Variants in DCC observed in about 807,000 individuals in gnomAD.
The protein encoded by DCC is netrin receptor DCC.
In DCC, 58 loss-of-function variants were observed where a neutral mutation model predicts 172.5. The ratio of observed to expected loss-of-function variants is 0.34; its 90% CI spans 0.27 to 0.42. The LOEUF is 0.42. Ranked by LOEUF, DCC falls within the 10% of genes least tolerant of loss-of-function variation. The pLI is 1.00. For synonymous variants in DCC, 709 were observed against 644.5 expected (o/e 1.10, Z -1.52); for missense variants, 1,740 against 1,791.0 (o/e 0.97, Z 0.51).
At chr18:53,003,774 T>C (rs1268461111) in intron 5 of DCC, among the ~76,000 whole-genome samples, 1 of 152,054 alleles carries the variant, frequency 6.6e-6, no homozygotes, top group Non-Finnish European at 1.5e-5. Flanking sequence ...TTTCATAATA[T>C]CACAGACATA....
Position 53,486,808 on chromosome 18 carries a change from G to T in DCC, c.3748G>T (p.Ala1250Ser). The change falls in exon 26 of 29, where the codon GCC (alanine) becomes TCC (serine). Residue 1250 changes from alanine to serine, a missense_variant. Around this residue, in one of 2 missense-constraint regions of DCC, gnomAD observed 1,732 missense variants for 1,767.4 expected, o/e 0.98. Coordinates refer to ENST00000442544, the MANE Select transcript of DCC (RefSeq NM_005215.4). ...AQSNNPAVVS[A>S]IPVPTLESAQ... is the part of the protein sequence containing the mutation. Reference sequence around the variant, plus strand: ...TTTTTCTTTTGCAGCTGTCGTGAGCGCCATCCCGGTGCCAACGCTAGAAAG... The same window carrying T: ...TTTTTCTTTTGCAGCTGTCGTGAGCTCCATCCCGGTGCCAACGCTAGAAAG... The T allele has an allele frequency of 6.2e-7, 1 of 1,614,056 alleles. No individual in the cohort carries two copies. The highest frequency in any genetic ancestry group is 8.5e-7 in the Non-Finnish European group (1 of 1,180,020).
At chr18:52,852,940 A>G (rs2038999213) in intron 2 of DCC, among the ~76,000 whole-genome samples, 1 of 152,182 alleles carries the variant, frequency 6.6e-6, no homozygotes, top group Admixed American at 6.5e-5. Flanking sequence ...GATTATAGAA[A>G]TGAGTAGAGG....
At chr18:52,808,077 G>C (rs2038121097) in intron 2 of DCC, among the ~76,000 whole-genome samples, 1 of 152,136 alleles carries the variant, frequency 6.6e-6, no homozygotes, top group African/African-American at 2.4e-5. Context: ...CCTTCATTTT[G>C]CAGTTATTCC....
At chr18:52,624,799 A>C (rs2034543420) in intron 1 of DCC, among the ~76,000 whole-genome samples, 1 of 152,160 alleles carries the variant, frequency 6.6e-6, no homozygotes, top group African/African-American at 2.4e-5. Flanking sequence ...CATCTCATTA[A>C]GGAGGCAAGA....
intron 12 of DCC, among the ~76,000 whole-genome samples, chr18:53,240,051 CAA>C (rs2056270056): frequency 9.2e-5 from 10 of 108,908 alleles, no homozygotes; most frequent in Admixed American, 3.3e-4. Flanking sequence ...AAAAAAAAAA[CAA>C]CAAAACACTT....
chr18:52,700,966 C>T lies in DCC; in HGVS notation c.92-51088C>T, dbSNP rs1267531379. Reference sequence around the variant, plus strand: ...AGTTAATAATTAAACCTGTACAAAGCTCTTTATAACAAACATATTGTCATG... The same window carrying T: ...AGTTAATAATTAAACCTGTACAAAGTTCTTTATAACAAACATATTGTCATG... On this transcript the variant is annotated intron_variant, in intron 1 of 28. Transcript: ENST00000442544. Among the ~76,000 whole-genome samples, 6 of 152,140 alleles carry T rather than the reference C, an allele frequency of 3.9e-5. No homozygotes were observed. In the East Asian group the frequency reaches 1.2e-3, roughly 29 times the overall value.
chr18:52,599,250 G>T (rs1030636041), intron 1 of DCC, among the ~76,000 whole-genome samples: 1 of 152,140 alleles, frequency 6.6e-6, no homozygotes, highest in African/African-American at 2.4e-5. Flanking sequence ...TTTTAAGAAT[G>T]TTGTGAGTGG....
chr18:53,228,012 A>G (rs1189268499), intron 12 of DCC, among the ~76,000 whole-genome samples: 1 of 152,152 alleles, frequency 6.6e-6, no homozygotes, highest in Non-Finnish European at 1.5e-5. Flanking sequence ...CTGACTGTAG[A>G]TTTTTATCTT....
intron 2 of DCC, among the ~76,000 whole-genome samples, chr18:52,771,519 T>TA (rs1291981477): frequency 6.6e-6 from 1 of 152,136 alleles, no homozygotes; most frequent in Non-Finnish European, 1.5e-5. Flanking sequence ...TTCCTCTACA[T>TA]AGAAACACTA....
At chr18:52,758,864 G>A (rs1434155846) in intron 2 of DCC, 1 of 152,174 alleles carries the variant, frequency 6.6e-6, no homozygotes, top group African/African-American at 2.4e-5. Context: ...CAGGGCCCTT[G>A]AATACGCTCA....
intron 12 of DCC, among the ~76,000 whole-genome samples, chr18:53,258,069 A>AT (rs1185522288): frequency 6.6e-6 from 1 of 151,354 alleles, no homozygotes; most frequent in African/African-American, 2.4e-5. Context: ...CCCTTTTATC[A>AT]TTTTTTCTTG....
chr18:52,945,770 CA>C (rs34200868), intron 5 of DCC, among the ~76,000 whole-genome samples: 59,701 of 151,920 alleles, frequency 0.39, 12,333 homozygotes, highest in Non-Finnish European at 0.47. Flanking sequence ...GCTTGTCAAC[CA>C]TGGGTCACAA....
chr18:52,377,550 A>T (rs1039297777), intron 1 of DCC, among the ~76,000 whole-genome samples: 1 of 152,178 alleles, frequency 6.6e-6, no homozygotes, highest in African/African-American at 2.4e-5. Context: ...TTTTGTCTTA[A>T]ACTATGAGAA....
chr18:52,859,133 C>CAA (rs35988635), intron 2 of DCC, among the ~76,000 whole-genome samples: 6 of 147,076 alleles, frequency 4.1e-5, no homozygotes, highest in African/African-American at 1.2e-4. Context: ...CCTGTCTCTG[C>CAA]AAAAAAAAAA....
At chr18:53,026,812 C>G (rs934634394) in intron 5 of DCC, among the ~76,000 whole-genome samples, 1 of 152,018 alleles carries the variant, frequency 6.6e-6, no homozygotes, top group African/African-American at 2.4e-5. Flanking sequence ...ATCCTCCTAC[C>G]TTGACCTCTC....
At chr18:53,518,944 T>A (rs1021304664) in intron 27 of DCC, among the ~76,000 whole-genome samples, 2 of 152,170 alleles carry the variant, frequency 1.3e-5, no homozygotes, top group Non-Finnish European at 2.9e-5. Context: ...AGCTTTTCAC[T>A]AATAATTTTA....
intron 1 of DCC, among the ~76,000 whole-genome samples, chr18:52,654,677 A>G (rs1598991110): frequency 2.6e-5 from 4 of 152,266 alleles, no homozygotes; most frequent in African/African-American, 9.6e-5. Flanking sequence ...TCACAACTTT[A>G]AAGACCTTAT....
intron 7 of DCC, among the ~76,000 whole-genome samples, chr18:53,118,774 C>T (rs999695525): frequency 3.3e-5 from 5 of 151,706 alleles, no homozygotes; most frequent in African/African-American, 1.2e-4. Context: ...ACATGACTGA[C>T]ATTAACAGTT....
At chr18:53,317,592 A>C (rs963385522) in intron 13 of DCC, among the ~76,000 whole-genome samples, 17 of 152,192 alleles carry the variant, frequency 1.1e-4, no homozygotes, top group African/African-American at 4.1e-4. Context: ...GAATTCGGCT[A>C]TAAATCCATC....
Sources: gnomAD v4.1 joint callset for allele counts (sites outside exome capture counted in the v4.1 genomes callset) on GRCh38, gnomAD v4.1.1 for gene constraint, gnomAD v4.1.1 regional missense constraint, MANE v1.5 for transcripts, NCBI Gene and HGNC (gene_info 2026-07-23, HGNC 2026-07-21) for gene names.